Variants in CDH3 observed in about 807,000 individuals in gnomAD.
The protein encoded by CDH3 is cadherin 3.
Under a neutral mutation model 82.0 loss-of-function variants are expected in CDH3, and 54 were observed. The ratio of observed to expected loss-of-function variants is 0.66; its 90% CI spans 0.53 to 0.83. The LOEUF (loss-of-function observed/expected upper bound fraction) is 0.83, where lower values mean the gene tolerates loss of function less well. Ranked by LOEUF, CDH3 falls within the 40% of genes least tolerant of loss-of-function variation. The pLI, the probability that CDH3 is intolerant of heterozygous loss-of-function variation, is 0.00. For synonymous variants in CDH3, 446 were observed against 437.9 expected, an observed-to-expected ratio of 1.02 and a Z score of -0.23; for missense variants, 1,054 against 1,084.6, an observed-to-expected ratio of 0.97 and a Z score of 0.40.
At chr16:68,690,205 C>T (rs754183059) in intron 12 of CDH3, among the ~76,000 whole-genome samples, 1 of 152,226 alleles carries the variant, frequency 6.6e-6, no homozygotes, top group Non-Finnish European at 1.5e-5. Flanking sequence ...GCTGCAGCCT[C>T]ATTTCTGACA....
chr16:68,672,047 C>T (rs1003279464), intron 2 of CDH3, among the ~76,000 whole-genome samples: 5 of 151,908 alleles, frequency 3.3e-5, no homozygotes, highest in Admixed American at 3.3e-4. Context: ...GTAAAATTAG[C>T]CGGGCGAGGT....
intron 2 of CDH3, among the ~76,000 whole-genome samples, chr16:68,674,881 G>A (rs191964712): frequency 2.6e-5 from 4 of 152,296 alleles, no homozygotes; most frequent in East Asian, 3.9e-4. Context: ...CTGGGAGGCC[G>A]AGGCGGTCAG....
At chr16:68,706,081 AAAG>A (rs1171478996) in intron 1 of CDH3, among the ~76,000 whole-genome samples, 3 of 151,656 alleles carry the variant, frequency 2.0e-5, no homozygotes, top group African/African-American at 7.3e-5. Context: ...AAAAAAAAAA[AAAG>A]AGCCCAGCAC....
downstream of CDH3, among the ~76,000 whole-genome samples, chr16:68,702,342 T>C (rs1247059925): frequency 6.6e-6 from 1 of 152,162 alleles, no homozygotes; most frequent in Non-Finnish European, 1.5e-5. Flanking sequence ...TCAAACAACT[T>C]GCAGCATCCA....
At chr16:68,688,772 C>G (rs546655497) in intron 12 of CDH3, among the ~76,000 whole-genome samples, 1 of 152,130 alleles carries the variant, frequency 6.6e-6, no homozygotes, top group Non-Finnish European at 1.5e-5. Context: ...ATACCTGTCA[C>G]CATGCCCATC....
chr16:68,689,933 C>T (rs992862740), intron 12 of CDH3, among the ~76,000 whole-genome samples: 10 of 152,172 alleles, frequency 6.6e-5, no homozygotes, highest in Admixed American at 3.9e-4. Flanking sequence ...AATGCTGTGG[C>T]AAATCCTGCA....
At chr16:68,728,024 A>G (rs955895838), downstream of CDH3, among the ~76,000 whole-genome samples, 2 of 152,222 alleles carry the variant, frequency 1.3e-5, no homozygotes, top group African/African-American at 4.8e-5. Flanking sequence ...AATAAATAGT[A>G]GCTATCACTT....
chr16:68,676,596 G>A (rs2152099195), intron 3 of CDH3, 126 bp downstream of exon 3: 2 of 747,064 alleles, frequency 2.7e-6, no homozygotes, highest in South Asian at 2.9e-5. Flanking sequence ...AGGAGGTAGT[G>A]TTAGTCCTCA....
At chr16:68,658,568 G>A (rs773039168) in intron 2 of CDH3, among the ~76,000 whole-genome samples, 5 of 151,980 alleles carry the variant, frequency 3.3e-5, no homozygotes, top group Non-Finnish European at 5.9e-5. Context: ...CCTTCTGAGC[G>A]GCCTTTGCAC....
At chr16:68,725,050 C>T (rs1271889698) in intron 2 of CDH3, among the ~76,000 whole-genome samples, 1 of 152,092 alleles carries the variant, frequency 6.6e-6, no homozygotes. Flanking sequence ...AGCAACAGGT[C>T]CCTGGGCCTC....
chr16:68,694,573 G>C (rs971996820), intron 13 of CDH3, among the ~76,000 whole-genome samples: 1 of 148,976 alleles, frequency 6.7e-6, no homozygotes, highest in East Asian at 2.0e-4. Context: ...AGTGAGCCGA[G>C]ATTGCACCAG....
chr16:68,668,666 G>A (rs1031313420), intron 2 of CDH3, among the ~76,000 whole-genome samples: 1 of 152,190 alleles, frequency 6.6e-6, no homozygotes, highest in Non-Finnish European at 1.5e-5. Context: ...TGCAGACTGA[G>A]CCAGTTCCCT....
At chr16:68,648,540 C>T (rs1003113567) in intron 2 of CDH3, among the ~76,000 whole-genome samples, 4 of 152,084 alleles carry the variant, frequency 2.6e-5, no homozygotes, top group Non-Finnish European at 4.4e-5. Flanking sequence ...CAACCTCTAC[C>T]TCCTGGGCTC....
At position 68,646,876 on chromosome 16, in the gene CDH3, A is replaced by T. The variant is rs1000394128; in HGVS notation, c.160+1126A>T. Among the ~76,000 whole-genome samples, 3 of 152,186 alleles carry T rather than the reference A, an allele frequency of 2.0e-5. No homozygotes were observed. The East Asian group carries it at 5.8e-4, about 29-fold the overall frequency. ...TCCCTCACCCCAGGCACAAACTCCC[A>T]CTGCTTGAATGTGGGGCTGTCAATG... is the stretch of plus-strand genomic sequence containing the variant. On this transcript the variant is annotated intron_variant, in intron 2 of 15. Coordinates refer to ENST00000264012, the MANE Select transcript of CDH3 (RefSeq NM_001793.6).
chr16:68,706,601 G>A (rs978807490), intron 1 of CDH3, among the ~76,000 whole-genome samples: 3 of 134,768 alleles, frequency 2.2e-5, no homozygotes, highest in Non-Finnish European at 4.6e-5. Context: ...TGCCTAGGCT[G>A]GAGTGCAGTG....
chr16:68,664,616 C>G (rs1034394765), intron 2 of CDH3, among the ~76,000 whole-genome samples: 1 of 152,114 alleles, frequency 6.6e-6, no homozygotes, highest in Non-Finnish European at 1.5e-5. Flanking sequence ...TAGAAAGGAA[C>G]AAACTGGTGA....
rs915601922 is a variant in CDH3 at position 68,647,856 on chromosome 16, A to G, written c.160+2106A>G. Among the ~76,000 whole-genome samples, 6 of 152,130 alleles carry G rather than the reference A, an allele frequency of 3.9e-5. No homozygotes were observed. In the South Asian group the frequency reaches 1.0e-3, roughly 26 times the overall value. Reference sequence around the variant, plus strand: ...TGAAAGGGTTATCCTGCAGGAACGTATAGACTCTCAAGTTTAGCCAAGCAG... The same window carrying G: ...TGAAAGGGTTATCCTGCAGGAACGTGTAGACTCTCAAGTTTAGCCAAGCAG... On this transcript the variant is annotated intron_variant, in intron 2 of 15. Coordinates refer to ENST00000264012, the MANE Select transcript of CDH3 (RefSeq NM_001793.6).
At chr16:68,681,338 A>G (rs758843397) in intron 8 of CDH3, among the ~76,000 whole-genome samples, 3 of 152,216 alleles carry the variant, frequency 2.0e-5, no homozygotes, top group Non-Finnish European at 4.4e-5. Flanking sequence ...ACGTTTCCTA[A>G]CACGATGCCC....
chr16:68,712,649 G>C (rs772797539), intron 1 of CDH3, among the ~76,000 whole-genome samples: 5 of 151,482 alleles, frequency 3.3e-5, no homozygotes, highest in Non-Finnish European at 7.4e-5. Flanking sequence ...GGAGAACTTG[G>C]CTGAAATTTG....
Sources: allele counts gnomAD v4.1 joint callset (sites outside exome capture counted in the v4.1 genomes callset), GRCh38; gene constraint gnomAD v4.1.1; transcripts MANE v1.5; gene names NCBI Gene and HGNC (gene_info 2026-07-23, HGNC 2026-07-21).